TINAG: variants seen among roughly 807,000 people sequenced by gnomAD.
TINAG encodes tubulointerstitial nephritis antigen.
In TINAG, 83 loss-of-function variants were observed where a neutral mutation model predicts 72.7. The ratio of observed to expected loss-of-function variants is 1.14; its 90% CI spans 0.96 to 1.37. TINAG has a LOEUF of 1.37. Among genes scored for constraint, TINAG ranks in the 40% most tolerant of loss-of-function variants. TINAG has a pLI of 0.00. For missense variants in TINAG, 685 were observed against 576.6 expected, an observed-to-expected ratio of 1.19 and a Z score of -1.93; for synonymous variants, 234 against 189.9, an observed-to-expected ratio of 1.23 and a Z score of -1.91.
upstream of TINAG, chr6:54,308,018 G>A: frequency 6.5e-7 from 1 of 1,548,300 alleles, no homozygotes; most frequent in Non-Finnish European, 8.7e-7. Flanking sequence ...GACTGGGCAT[G>A]ATTTAGAGCA....
intron 1 of TINAG, among the ~76,000 whole-genome samples, chr6:54,309,941 C>A (rs560133739): frequency 2.0e-5 from 3 of 151,806 alleles, no homozygotes; most frequent in Non-Finnish European, 2.9e-5. Flanking sequence ...TGTCTACATA[C>A]GTATTATTTT....
intron 9 of TINAG, among the ~76,000 whole-genome samples, chr6:54,368,008 C>T (rs1763485848): frequency 6.6e-6 from 1 of 151,540 alleles, no homozygotes; most frequent in Non-Finnish European, 1.5e-5. Flanking sequence ...AAAGACCCCA[C>T]CTCCTAATAC....
Position 54,349,753 on chromosome 6 carries a change from C to T in TINAG, c.937C>T (p.Gln313Ter), listed in dbSNP as rs774139231. Residue 313 changes from glutamine to a stop codon, truncating the protein, a stop_gained, in exon 7 of 11, where the codon CAA (glutamine) becomes TAA (stop). Coordinates refer to ENST00000259782, the MANE Select transcript of TINAG (RefSeq NM_014464.4). LOFTEE classifies it high-confidence loss of function. ...SHACYPLFKD[Q>*]NATNNGCAMA... ...CGCATGCTACCCACTTTTCAAAGAC[C>T]AAAATGCTACCAACAATGGATGTGC... 3 of 1,602,498 alleles carry T rather than the reference C, an allele frequency of 1.9e-6. No individual in the cohort carries two copies. The highest frequency in any genetic ancestry group is 1.1e-5 in the South Asian group (1 of 89,520).
intron 9 of TINAG, among the ~76,000 whole-genome samples, chr6:54,376,865 C>A (rs559993673): frequency 2.0e-5 from 3 of 152,144 alleles, no homozygotes; most frequent in Admixed American, 2.0e-4. Context: ...GAAGGAAGAG[C>A]TTAAATAATT....
chr6:54,349,659 A>G, intron 6 of TINAG, 57 bp from the exon 7 acceptor site: 1 of 1,360,600 alleles, frequency 7.3e-7, no homozygotes, highest in Non-Finnish European at 9.9e-7. Context: ...AAATATAAAA[A>G]GGATATTACG....
chr6:54,315,810 A>AC (rs756245153), intron 1 of TINAG, among the ~76,000 whole-genome samples: 10 of 152,198 alleles, frequency 6.6e-5, no homozygotes, highest in Admixed American at 4.6e-4. Flanking sequence ...AGTCTAGTAG[A>AC]CCATCTGCTG....
intron 9 of TINAG, among the ~76,000 whole-genome samples, chr6:54,375,293 C>G (rs1763746619): frequency 6.6e-6 from 1 of 151,944 alleles, no homozygotes; most frequent in Admixed American, 6.6e-5. Flanking sequence ...TGTTCTTAGG[C>G]TTATTGTTTG....
Position 54,349,881 on chromosome 6 carries a change from C to T in TINAG, c.1065C>T (p.Tyr355=). 1 of 1,580,376 alleles carries T rather than the reference C, an allele frequency of 6.3e-7. No individual in the cohort carries two copies. Among genetic ancestry groups the T allele is most frequent in the African/African-American group, 1.3e-5 (1 of 74,198 alleles). Reference sequence around the variant, plus strand: ...GGATCTATCAATGTTCTCCTCCATACAGAGTCTCTTCCAACGTAAGTATAA... The same window carrying T: ...GGATCTATCAATGTTCTCCTCCATATAGAGTCTCTTCCAACGTAAGTATAA... ...SNRIYQCSPP[Y]RVSSNETEIM... The change falls in exon 7 of 11, where the codon TAC becomes TAT. Residue 355 remains tyrosine (Y), a synonymous_variant. Coordinates refer to ENST00000259782, the MANE Select transcript of TINAG (RefSeq NM_014464.4).
chr6:54,382,504 A>C (rs1014934162), intron 10 of TINAG, among the ~76,000 whole-genome samples: 9 of 152,122 alleles, frequency 5.9e-5, no homozygotes, highest in African/African-American at 2.2e-4. Flanking sequence ...GGTTTAATTA[A>C]AATATGAAAC....
chr6:54,317,211 T>C (rs1784391455), intron 1 of TINAG, among the ~76,000 whole-genome samples: 1 of 151,970 alleles, frequency 6.6e-6, no homozygotes, highest in South Asian at 2.1e-4. Flanking sequence ...TTTCAATACC[T>C]CCATCTCTAC....
At chr6:54,333,857 G>A (rs890274982) in intron 4 of TINAG, among the ~76,000 whole-genome samples, 1 of 152,040 alleles carries the variant, frequency 6.6e-6, no homozygotes, top group South Asian at 2.1e-4. Flanking sequence ...AGTATCTTCA[G>A]ACATATATGC....
intron 1 of TINAG, among the ~76,000 whole-genome samples, chr6:54,314,002 C>T (rs1282511300): frequency 6.6e-6 from 1 of 151,984 alleles, no homozygotes; most frequent in African/African-American, 2.4e-5. Context: ...AAGTCCCAGG[C>T]CTCGAGAAAC....
intron 9 of TINAG, among the ~76,000 whole-genome samples, chr6:54,369,057 A>G (rs1024744462): frequency 6.6e-6 from 1 of 151,878 alleles, no homozygotes; most frequent in Non-Finnish European, 1.5e-5. Flanking sequence ...TTTGAATCGA[A>G]CATTCCTGGT....
chr6:54,338,523 C>T (rs777350691), intron 4 of TINAG, among the ~76,000 whole-genome samples: 1 of 151,800 alleles, frequency 6.6e-6, no homozygotes, highest in Admixed American at 6.6e-5. Context: ...AGATCAAGAC[C>T]ATCCTAGCTA....
chr6:54,321,530 C>T lies in TINAG; in HGVS notation c.509+144C>T, dbSNP rs1784490939. The T allele has an allele frequency of 9.7e-6, 6 of 619,482 alleles. No individual in the cohort carries two copies. In the South Asian group the frequency reaches 1.0e-4, roughly 10 times the overall value. 38.4% of individuals were successfully genotyped at this position (619,482 alleles called of 1,614,324 possible). On this transcript the variant is annotated intron_variant, in intron 3 of 10. Transcript: ENST00000259782. ...GGAAGGGAGATAGAAAGCATGTAAACCTGGAATGCAAAGGTAAACATTAAA... is the reference window on the plus strand; with the variant it reads ...GGAAGGGAGATAGAAAGCATGTAAATCTGGAATGCAAAGGTAAACATTAAA...
At chr6:54,347,138 GAAGTC>G (rs1293822884) in intron 5 of TINAG, among the ~76,000 whole-genome samples, 2 of 151,994 alleles carry the variant, frequency 1.3e-5, no homozygotes, top group Non-Finnish European at 2.9e-5. Context: ...AAAAATCTTT[GAAGTC>G]AATAGGACAA....
chr6:54,347,675 A>C (rs1191189931), intron 6 of TINAG, among the ~76,000 whole-genome samples, 158 bp downstream of exon 6: 2 of 152,130 alleles, frequency 1.3e-5, no homozygotes, highest in Non-Finnish European at 2.9e-5. Context: ...TGTATACTAT[A>C]TTTCTTATCT....
At chr6:54,365,994 C>A (rs1432535210) in intron 9 of TINAG, among the ~76,000 whole-genome samples, 1 of 151,558 alleles carries the variant, frequency 6.6e-6, no homozygotes, top group Non-Finnish European at 1.5e-5. Flanking sequence ...GAGACCTTGT[C>A]TCAAAAATAT....
chr6:54,314,857 T>TA (rs1427059855), intron 1 of TINAG, among the ~76,000 whole-genome samples: 7 of 152,156 alleles, frequency 4.6e-5, no homozygotes, highest in Admixed American at 3.9e-4. Flanking sequence ...ATAGTTTATG[T>TA]AGAATTTATG....
Sources: gnomAD v4.1 joint callset for allele counts (sites outside exome capture counted in the v4.1 genomes callset) on GRCh38, gnomAD v4.1.1 for gene constraint, MANE v1.5 for transcripts, NCBI Gene and HGNC (gene_info 2026-07-23, HGNC 2026-07-21) for gene names.